Variants in ALOX5 observed in about 807,000 individuals in gnomAD.
The protein encoded by ALOX5 is arachidonate 5-lipoxygenase.
Under a neutral mutation model 87.9 loss-of-function variants are expected in ALOX5, and 64 were observed. The ratio of observed to expected loss-of-function variants is 0.73; its 90% CI spans 0.60 to 0.90. The LOEUF is 0.90. Ranked by LOEUF, ALOX5 falls within the 40% of genes least tolerant of loss-of-function variation. ALOX5 has a pLI of 0.00. For synonymous variants in ALOX5, 388 were observed against 355.1 expected (o/e 1.09, Z -1.04); for missense variants, 822 against 907.5 (o/e 0.91, Z 1.21).
intron 2 of ALOX5, among the ~76,000 whole-genome samples, chr10:45,393,373 T>A (rs1840367078): frequency 6.6e-6 from 1 of 152,198 alleles, no homozygotes; most frequent in Admixed American, 6.5e-5. Context: ...TCTCAATAGA[T>A]GCAGAAAAGG....
At chr10:45,424,222 A>AATT (rs1294292560) in intron 5 of ALOX5, 75 bp downstream of exon 5, 1 of 1,315,730 alleles carries the variant, frequency 7.6e-7, no homozygotes, top group East Asian at 2.3e-5. Flanking sequence ...CTTGCCGGGA[A>AATT]ATTGACAAGG....
intron 2 of ALOX5, among the ~76,000 whole-genome samples, chr10:45,384,417 G>T (rs997291477): frequency 6.6e-6 from 1 of 152,142 alleles, no homozygotes; most frequent in Non-Finnish European, 1.5e-5. Flanking sequence ...ATTTAATTTT[G>T]TTCATGCTCT....
intron 3 of ALOX5, among the ~76,000 whole-genome samples, chr10:45,408,047 T>C (rs567256818): frequency 6.6e-6 from 1 of 152,220 alleles, no homozygotes; most frequent in South Asian, 2.1e-4. Context: ...CTTAAAGGAG[T>C]TCTTCTTTTA....
In ALOX5 at chr10:45,444,258, G is replaced by T; in HGVS notation, c.1817G>T (p.Trp606Leu). 6.4e-7 allele frequency: 1 copy of T among 1,554,970 alleles called. No homozygotes were observed. The highest frequency in any genetic ancestry group is 2.4e-5 in the East Asian group (1 of 41,898). The change falls in exon 13 of 14, where the codon TGG (tryptophan) becomes TTG (leucine). Residue 606 changes from tryptophan to leucine, a missense_variant. Transcript: ENST00000374391. Reference sequence around the variant, plus strand: ...TCCTGCTGGCATCTGGGTGCAGTGTGGGCGCTGAGCCAGTTCCAGGAAAAC... The same window carrying T: ...TCCTGCTGGCATCTGGGTGCAGTGTTGGCGCTGAGCCAGTTCCAGGAAAAC... Reference protein sequence around the residue: ...GRSCWHLGAVWALSQFQENEL... With the variant: ...GRSCWHLGAVLALSQFQENEL...
intron 1 of ALOX5, among the ~76,000 whole-genome samples, chr10:45,378,048 CT>C (rs933113445): frequency 6.6e-6 from 1 of 152,182 alleles, no homozygotes; most frequent in African/African-American, 2.4e-5. Flanking sequence ...AGCCTTCCTC[CT>C]CCCACGTGTG....
At chr10:45,440,687 G>T in intron 8 of ALOX5, 54 bp downstream of exon 8, 1 of 1,578,002 alleles carries the variant, frequency 6.3e-7, no homozygotes. Context: ...GATGTGGAGT[G>T]GGAGGGATCA....
intron 7 of ALOX5, among the ~76,000 whole-genome samples, chr10:45,433,950 G>A (rs1204495800): frequency 2.6e-5 from 4 of 152,188 alleles, no homozygotes; most frequent in Non-Finnish European, 5.9e-5. Flanking sequence ...ATGTTCAGGG[G>A]TTCTCTTTAG....
chr10:45,419,637 G>T (rs1042558899), intron 4 of ALOX5, among the ~76,000 whole-genome samples: 1 of 152,246 alleles, frequency 6.6e-6, no homozygotes, highest in African/African-American at 2.4e-5. Context: ...CCCAGTGTTC[G>T]GGGATTCCCG....
intron 2 of ALOX5, among the ~76,000 whole-genome samples, chr10:45,389,166 G>A (rs1012175688): frequency 6.6e-5 from 10 of 152,194 alleles, no homozygotes; most frequent in African/African-American, 1.4e-4. Context: ...AGAAATGAAC[G>A]AAGCCTCCAA....
chr10:45,428,795 C>A (rs751178754), intron 7 of ALOX5, 31 bp downstream of exon 7: 3 of 1,612,146 alleles, frequency 1.9e-6, no homozygotes, highest in Middle Eastern at 3.7e-4. Flanking sequence ...CCTTTCTGAG[C>A]AGCTCAGTCC....
intron 7 of ALOX5, among the ~76,000 whole-genome samples, chr10:45,435,382 A>G (rs2132838944): frequency 6.6e-6 from 1 of 152,218 alleles, no homozygotes; most frequent in African/African-American, 2.4e-5. Flanking sequence ...AATACTGAGC[A>G]TAGTACCCAA....
intron 4 of ALOX5, 28 bp from the exon 5 acceptor site, chr10:45,424,013 G>C (rs372401060): frequency 6.4e-7 from 1 of 1,573,828 alleles, no homozygotes. Flanking sequence ...GCTAGTGTGC[G>C]CAAGGTGACC....
Position 45,425,570 on chromosome 10 carries a change from C to A in ALOX5, c.834+438C>A, listed in dbSNP as rs1841676267. 6.6e-6 allele frequency among the ~76,000 whole-genome samples: 1 copy of A among 152,286 alleles called. No individual in the cohort carries two copies. Among genetic ancestry groups the A allele is most frequent in the African/African-American group, 2.4e-5 (1 of 41,546 alleles). ...ATAAAAAAGGGGCACGAGGAGAAAC[C>A]CAACAGAATGGTTGATTTTCTCGTT... On this transcript the variant is annotated intron_variant, in intron 6 of 13. Coordinates refer to ENST00000374391, the MANE Select transcript of ALOX5 (RefSeq NM_000698.5). This position sits in a 1 kb window ranked among gnomAD's most constrained non-coding sequence, Gnocchi z 4.4.
At chr10:45,387,445 G>T (rs558514330) in intron 2 of ALOX5, among the ~76,000 whole-genome samples, 1 of 152,158 alleles carries the variant, frequency 6.6e-6, no homozygotes, top group East Asian at 1.9e-4. Flanking sequence ...CAGAGAAGAG[G>T]AGTAAACTAT....
intron 7 of ALOX5, among the ~76,000 whole-genome samples, chr10:45,438,997 C>A (rs948397022): frequency 6.6e-6 from 1 of 152,156 alleles, no homozygotes; most frequent in Admixed American, 6.5e-5. Flanking sequence ...TCGTCCAAAC[C>A]AAAACCTGCT....
Position 45,445,597 on chromosome 10 carries a change from T to C in ALOX5, c.1935T>C (p.Ile645=), listed in dbSNP as rs1288409004. 3 of 1,613,984 alleles carry C rather than the reference T, an allele frequency of 1.9e-6. No homozygotes were observed. Among genetic ancestry groups the C allele is most frequent in the Non-Finnish European group, 8.5e-7 (1 of 1,180,016 alleles). ...MARFRKNLEA[I]VSVIAERNKK... ...GATTCCGCAAGAACCTCGAGGCCATTGTCAGCGTGATTGCTGAGCGCAACA... is the reference window on the plus strand; with the variant it reads ...GATTCCGCAAGAACCTCGAGGCCATCGTCAGCGTGATTGCTGAGCGCAACA... Residue 645 remains isoleucine, a synonymous_variant, in exon 14 of 14, where the codon ATT becomes ATC. Coordinates refer to ENST00000374391, the MANE Select transcript of ALOX5 (RefSeq NM_000698.5).
Position 45,442,834 on chromosome 10 carries a change from G to A in ALOX5, c.1273-204G>A, listed in dbSNP as rs566692086. ...CGGTTCAGTCCCTTGCATTGGATTGGGCGGGAGGCTCCTCCCTAGCACCTC... is the reference window on the plus strand; with the variant it reads ...CGGTTCAGTCCCTTGCATTGGATTGAGCGGGAGGCTCCTCCCTAGCACCTC... On this transcript the variant is annotated intron_variant, in intron 9 of 13. Transcript: ENST00000374391. The A allele has an allele frequency of 1.9e-5, 11 of 588,736 alleles. No individual in the cohort carries two copies. In the Admixed American group the frequency reaches 2.8e-4, roughly 15 times the overall value. 36.5% of individuals were successfully genotyped at this position (588,736 alleles called of 1,614,324 possible).
intron 1 of ALOX5, among the ~76,000 whole-genome samples, chr10:45,377,766 C>T (rs1360184633): frequency 6.6e-6 from 1 of 152,180 alleles, no homozygotes; most frequent in Non-Finnish European, 1.5e-5. Context: ...GATCCGTCTC[C>T]CTGTCCCAGC....
At chr10:45,429,327 T>A (rs1001821635) in intron 7 of ALOX5, among the ~76,000 whole-genome samples, 2 of 152,174 alleles carry the variant, frequency 1.3e-5, no homozygotes, top group Non-Finnish European at 2.9e-5. Context: ...AGGCCAGGAC[T>A]GGACTGGGCA....
Sources: gnomAD v4.1 joint callset for allele counts (sites outside exome capture counted in the v4.1 genomes callset) on GRCh38, gnomAD v4.1.1 for gene constraint, Gnocchi (gnomAD v3.1) non-coding constraint, MANE v1.5 for transcripts, NCBI Gene and HGNC (gene_info 2026-07-23, HGNC 2026-07-21) for gene names.